CFAP36: variants seen among roughly 807,000 people sequenced by gnomAD.
CFAP36 encodes the protein cilia- and flagella-associated protein 36.
CFAP36 carries 37 observed loss-of-function variants against 50.5 expected under a neutral mutation model. That is an observed-to-expected ratio of 0.73 (90% CI 0.56 to 0.96). The LOEUF is 0.96. Among genes scored for constraint, CFAP36 ranks in the 50% least tolerant of loss-of-function variants. CFAP36 has a pLI of 0.00. For synonymous variants in CFAP36, 138 were observed against 128.2 expected, an observed-to-expected ratio of 1.08 and a Z score of -0.52; for missense variants, 407 against 396.2, an observed-to-expected ratio of 1.03 and a Z score of -0.23.
intron 3 of CFAP36, among the ~76,000 whole-genome samples, chr2:55,527,132 A>G (rs928998554): frequency 1.3e-5 from 2 of 152,246 alleles, no homozygotes; most frequent in Non-Finnish European, 2.9e-5. Context: ...TTTAATATGT[A>G]TGTACCTAAT....
At chr2:55,527,278 A>G (rs1283729440) in intron 3 of CFAP36, among the ~76,000 whole-genome samples, 1 of 152,126 alleles carries the variant, frequency 6.6e-6, no homozygotes, top group Non-Finnish European at 1.5e-5. Flanking sequence ...GTAAAGACAT[A>G]GTTGAACTAA....
At position 55,528,878 on chromosome 2, in the gene CFAP36, G is replaced by A; in HGVS notation, c.283G>A (p.Ala95Thr). The change falls in exon 4 of 10, where the codon GCC becomes ACC. Residue 95 changes from alanine (A) to threonine (T), a missense_variant and splice_region_variant. By Grantham distance (58) the Ala-to-Thr change is moderately conservative (BLOSUM62 0). Transcript: ENST00000349456. ...SPLAKTHTSQ[A>T]ILQPVLAAED... ...TTTCACTTGAGACTTCTTTCCACAG[G>A]CCATTTTGCAACCTGTGTTGGCAGC... is the stretch of plus-strand genomic sequence containing the variant. 1 of 1,591,352 alleles carries A rather than the reference G, an allele frequency of 6.3e-7. No individual in the cohort carries two copies. Among genetic ancestry groups the A allele is most frequent in the Non-Finnish European group, 8.6e-7 (1 of 1,167,580 alleles).
At chr2:55,527,969 A>G (rs1684253387) in intron 3 of CFAP36, among the ~76,000 whole-genome samples, 1 of 151,548 alleles carries the variant, frequency 6.6e-6, no homozygotes, top group Non-Finnish European at 1.5e-5. Flanking sequence ...CAGGAGTTTG[A>G]GACAAGCCTG....
At chr2:55,527,945 A>G (rs1210053889) in intron 3 of CFAP36, among the ~76,000 whole-genome samples, 1 of 151,584 alleles carries the variant, frequency 6.6e-6, no homozygotes, top group Admixed American at 6.6e-5. Flanking sequence ...CAAGGTGGGC[A>G]GATTGCTTGA....
rs1574611928 is a variant in CFAP36, at chr2:55,523,666, A to T, written c.181-55A>T. The T allele has an allele frequency of 7.6e-6, 9 of 1,179,280 alleles. No individual in the cohort carries two copies. In the East Asian group the frequency reaches 2.2e-4, roughly 29 times the overall value. The allele number at this position is 1,179,280 out of a possible 1,614,324, so 73.1% of individuals were successfully genotyped here. On this transcript the variant is annotated intron_variant, in intron 2 of 9. Transcript: ENST00000349456. ...TCTAAACTAAATACTTAATATGCAA[A>T]CTGTCATGTAGAATTTTTCTATGTA...
chr2:55,544,445 G>T (rs1684721849), intron 9 of CFAP36, 76 bp downstream of exon 9: 2 of 1,470,942 alleles, frequency 1.4e-6, no homozygotes, highest in Non-Finnish European at 1.8e-6. Context: ...GTGCAAGAAA[G>T]CCTCTAATAA....
At chr2:55,522,512 T>G (rs1684098064) in intron 2 of CFAP36, among the ~76,000 whole-genome samples, 1 of 152,206 alleles carries the variant, frequency 6.6e-6, no homozygotes, top group Non-Finnish European at 1.5e-5. Context: ...TGAGACAGGG[T>G]CTTGCTCTGT....
chr2:55,535,070 G>T (rs945189463), intron 5 of CFAP36, among the ~76,000 whole-genome samples: 2 of 152,188 alleles, frequency 1.3e-5, no homozygotes, highest in African/African-American at 2.4e-5. Flanking sequence ...ATTTGGACTG[G>T]TTGTGTTGGT....
Position 55,543,921 on chromosome 2 carries a change from T to G in CFAP36, c.641-17T>G. 1 of 1,602,388 alleles carries G rather than the reference T, an allele frequency of 6.2e-7. No homozygotes were observed. The highest frequency in any genetic ancestry group is 8.5e-7 in the Non-Finnish European group (1 of 1,171,448). On this transcript the variant is annotated splice_polypyrimidine_tract_variant and intron_variant, in intron 7 of 9. Coordinates refer to ENST00000349456, the MANE Select transcript of CFAP36 (RefSeq NM_080667.7). ...CTCATAATATTCTAATTGCTCTTATTGTCTACTTATTGCCAGAAGTTAAAA... is the reference window on the plus strand; with the variant it reads ...CTCATAATATTCTAATTGCTCTTATGGTCTACTTATTGCCAGAAGTTAAAA...
rs764667361 is a variant in CFAP36, at chr2:55,544,284, A to G, written c.842A>G (p.Asp281Gly). Residue 281 changes from aspartate (D) to glycine (G), a missense_variant, in exon 9 of 10, where the codon GAT becomes GGT. Coordinates refer to ENST00000349456, the MANE Select transcript of CFAP36 (RefSeq NM_080667.7). ...QREHYLKQKR[D>G]KLMSMRKDMR... ...GAACACTATCTCAAGCAGAAGAGAG[A>G]TAAGTTGATGTCCATGAGAAAGGAT... 2.8e-5 allele frequency: 45 copies of G among 1,614,028 alleles called. No homozygotes were observed. Among genetic ancestry groups the G allele is most frequent in the Non-Finnish European group, 3.4e-5 (40 of 1,179,948 alleles).
chr2:55,541,852 C>G (rs1684647435), intron 7 of CFAP36, among the ~76,000 whole-genome samples: 2 of 115,570 alleles, frequency 1.7e-5, no homozygotes, highest in Admixed American at 1.8e-4. Context: ...TTTTCGTACT[C>G]TTTATGAAGT....
intron 2 of CFAP36, 47 bp from the exon 3 acceptor site, chr2:55,523,674 G>A (rs1446797501): frequency 1.5e-6 from 2 of 1,298,774 alleles, no homozygotes; most frequent in East Asian, 4.8e-5. Context: ...AAACTGTCAT[G>A]TAGAATTTTT....
intron 7 of CFAP36, among the ~76,000 whole-genome samples, chr2:55,540,189 A>G (rs1421406368): frequency 2.0e-5 from 3 of 152,188 alleles, no homozygotes; most frequent in African/African-American, 7.2e-5. Flanking sequence ...TGTTGTATCA[A>G]AAAAGTCATC....
At chr2:55,521,927 G>C (rs1367878998) in intron 1 of CFAP36, among the ~76,000 whole-genome samples, 175 bp from the exon 2 acceptor site, 1 of 152,034 alleles carries the variant, frequency 6.6e-6, no homozygotes, top group Non-Finnish European at 1.5e-5. Context: ...ACAGTGCTCG[G>C]CCAATAGTAT....
At chr2:55,523,364 G>A (rs899493603) in intron 2 of CFAP36, among the ~76,000 whole-genome samples, 4 of 151,780 alleles carry the variant, frequency 2.6e-5, no homozygotes, top group East Asian at 1.9e-4. Context: ...GCAGTGAGCC[G>A]AGATCGTACC....
Position 55,544,914 on chromosome 2 carries a change from CAG to C in CFAP36, c.939_940del (p.Lys314ThrfsTer27). 1.3e-6 allele frequency: 2 copies of C among 1,586,012 alleles called. No individual in the cohort carries two copies. The highest frequency in any genetic ancestry group is 1.7e-6 in the Non-Finnish European group (2 of 1,169,432). On this transcript the variant is annotated frameshift_variant, in exon 10 of 10. Transcript: ENST00000349456. LOFTEE classifies it high-confidence loss of function. ...TTTTTCTTTTTTTTTCAGGAAATGA[CAG>C]AGAAACCAGAAATGACAGCAGAGGA...
chr2:55,541,846 C>T (rs80334338), intron 7 of CFAP36, among the ~76,000 whole-genome samples: 4 of 20,052 alleles, frequency 2.0e-4, no homozygotes, highest in Non-Finnish European at 4.4e-4. Context: ...TAGAGTTTTT[C>T]GTACTCTTTA....
intron 7 of CFAP36, among the ~76,000 whole-genome samples, chr2:55,540,604 T>C (rs919187991): frequency 1.3e-5 from 2 of 152,200 alleles, no homozygotes; most frequent in Admixed American, 6.5e-5. Context: ...AATGTTAGAA[T>C]CTGTTTGTCA....
At chr2:55,529,663 T>C (rs78469676) in intron 4 of CFAP36, among the ~76,000 whole-genome samples, 1 of 150,908 alleles carries the variant, frequency 6.6e-6, no homozygotes, top group East Asian at 1.9e-4. Flanking sequence ...TTTTTTTTTT[T>C]TGAGACGGAG....
Sources: allele counts gnomAD v4.1 joint callset (sites outside exome capture counted in the v4.1 genomes callset), GRCh38; gene constraint gnomAD v4.1.1; transcripts MANE v1.5; gene names NCBI Gene and HGNC (gene_info 2026-07-23, HGNC 2026-07-21).